TEX38: variants seen among roughly 807,000 people sequenced by gnomAD.
TEX38 encodes the protein testis-expressed protein 38.
A neutral mutation model predicts 2.7 loss-of-function variants in TEX38; 5 were observed. That is an observed-to-expected ratio of 1.86 (90% CI 0.97 to 3.90). TEX38 has a LOEUF of 3.90. Ranked by LOEUF, TEX38 falls within the 30% of genes most tolerant of loss-of-function variation. The probability of loss-of-function intolerance (pLI) is 0.00; values close to 1 mark genes in which losing one functional copy is unlikely to be tolerated. For missense variants in TEX38, 218 were observed against 247.9 expected (o/e 0.88, Z 0.81); for synonymous variants, 110 against 103.3 (o/e 1.06, Z -0.39).
upstream of TEX38, among the ~76,000 whole-genome samples, chr1:46,670,910 G>T (rs1026288891): frequency 2.0e-5 from 3 of 152,160 alleles, no homozygotes; most frequent in African/African-American, 7.2e-5. Context: ...GCCCATAAAT[G>T]CATCAAGCTG....
upstream of TEX38, chr1:46,671,837 A>G: frequency 8.0e-7 from 1 of 1,247,126 alleles, no homozygotes. Flanking sequence ...CATTCTGGAG[A>G]CTCTGATTGG....
At chr1:46,670,295 AGAAT>A (rs1320703333), upstream of TEX38, among the ~76,000 whole-genome samples, 1 of 152,212 alleles carries the variant, frequency 6.6e-6, no homozygotes, top group African/African-American at 2.4e-5. Flanking sequence ...TGGGTGTGAT[AGAAT>A]GAAAGGAGTC....
upstream of TEX38, chr1:46,671,725 C>A: frequency 1.7e-6 from 1 of 578,342 alleles, no homozygotes; most frequent in Non-Finnish European, 3.1e-6. Flanking sequence ...TGGATGAAGT[C>A]CCCTCCTTCC....
chr1:46,673,525 A>G lies in TEX38; in HGVS notation c.*69A>G. On this transcript the variant is annotated 3_prime_UTR_variant, in exon 2 of 2. Coordinates refer to ENST00000334122, the MANE Select transcript of TEX38 (RefSeq NM_001145474.4). ...GTAGGAAATGGAACTAACCTCAGGA[A>G]GGTGGTATTGACAGAGGTCAGGACC... The G allele has an allele frequency of 5.8e-6, 8 of 1,373,878 alleles. No homozygotes were observed. The highest frequency in any genetic ancestry group is 5.9e-6 in the Non-Finnish European group (6 of 1,023,622). The allele number at this position is 1,373,878 out of a possible 1,614,324, so 85.1% of individuals were successfully genotyped here.
rs750909784 is a variant in TEX38, at chr1:46,672,891, T to C, written c.56T>C (p.Phe19Ser). Reference protein sequence around the residue: ...RFPGMWVSLYFGILGLCSVIT... With the variant: ...RFPGMWVSLYSGILGLCSVIT... ...GCCTTAGTGTGGGTCTCATTGTACT[T>C]TGGAATCCTGGGGCTGTGTTCTGTG... Residue 19 changes from phenylalanine to serine, a missense_variant, in exon 2 of 2, where the codon TTT (phenylalanine) becomes TCT (serine). Phe to Ser is a radical substitution (Grantham distance 155, BLOSUM62 -2). Coordinates refer to ENST00000334122, the MANE Select transcript of TEX38 (RefSeq NM_001145474.4). 2.6e-6 allele frequency: 4 copies of C among 1,551,282 alleles called. No individual in the cohort carries two copies. The highest frequency in any genetic ancestry group is 2.6e-6 in the Non-Finnish European group (3 of 1,146,744).
rs563308319 is a variant in TEX38 at position 46,673,022 on chromosome 1, A to T, written c.187A>T (p.Ser63Cys). Residue 63 changes from serine (S) to cysteine (C), a missense_variant, in exon 2 of 2, where the codon AGC (serine) becomes TGC (cysteine). Transcript: ENST00000334122. ...GATGAGAGCTGCCACATTCACCTAC[A>T]GCCCATTGTTGTACTGGATTAACAA... ...EVMRAATFTY[S>C]PLLYWINKRR... is the part of the protein sequence containing the mutation. The T allele has an allele frequency of 8.4e-5, 131 of 1,551,704 alleles. No homozygotes were observed. In the South Asian group the frequency reaches 1.3e-3, roughly 16 times the overall value.
rs190616662 is a variant in TEX38 at position 46,672,141 on chromosome 1, C to T, written c.37+170C>T. Among the ~76,000 whole-genome samples the T allele has an allele frequency of 1.5e-3, 226 of 152,266 alleles. 1 individual carries two copies. Among genetic ancestry groups the T allele is most frequent in the African/African-American group, 5.3e-3 (222 of 41,550 alleles). ...ACTAAGAATTATTTTAAGGCAAAGACCATGCTCTGATCAACCAGAGAAGAT... is the reference window on the plus strand; with the variant it reads ...ACTAAGAATTATTTTAAGGCAAAGATCATGCTCTGATCAACCAGAGAAGAT... On this transcript the variant is annotated intron_variant, in intron 1 of 1. Transcript: ENST00000334122.
chr1:46,670,710 T>A (rs1676570310), upstream of TEX38, among the ~76,000 whole-genome samples: 1 of 152,084 alleles, frequency 6.6e-6, no homozygotes, highest in African/African-American at 2.4e-5. Context: ...GCCAGTGATA[T>A]ACGAGGAGAA....
Position 46,673,267 on chromosome 1 carries a change from A to G in TEX38, c.432A>G (p.Pro144=), listed in dbSNP as rs1204445844. The G allele has an allele frequency of 6.4e-7, 1 of 1,551,590 alleles. No homozygotes were observed. Among genetic ancestry groups the G allele is most frequent in the Non-Finnish European group, 8.7e-7 (1 of 1,146,956 alleles). Residue 144 remains proline, a synonymous_variant, in exon 2 of 2, where the codon CCA becomes CCG. Transcript: ENST00000334122. ...LAPQQPQARS[P]FPLPIFQEVP... is the part of the protein sequence containing the mutation. ...CACAGCAGCCCCAGGCCAGATCCCC[A>G]TTCCCACTTCCCATCTTTCAGGAGG...
chr1:46,671,807 T>C (rs1676586740), upstream of TEX38: 8 of 951,370 alleles, frequency 8.4e-6, no homozygotes, highest in Non-Finnish European at 1.3e-5. Flanking sequence ...ACCTCTCCTT[T>C]AGAGAACAAA....
chr1:46,672,335 C>T (rs1676598518), intron 1 of TEX38, among the ~76,000 whole-genome samples: 1 of 151,812 alleles, frequency 6.6e-6, no homozygotes, highest in African/African-American at 2.4e-5. Flanking sequence ...ACCTCCACCT[C>T]CTGGATTCAA....
upstream of TEX38, chr1:46,671,709 T>C (rs1676584521): frequency 1.8e-6 from 1 of 552,432 alleles, no homozygotes; most frequent in Non-Finnish European, 3.3e-6. Context: ...ACCCAAAAAA[T>C]GCCACTGGAT....
chr1:46,672,320 C>T (rs1258298070), intron 1 of TEX38, among the ~76,000 whole-genome samples: 2 of 151,628 alleles, frequency 1.3e-5, no homozygotes, highest in Admixed American at 6.6e-5. Flanking sequence ...TCTAGGCTCA[C>T]TGTAACCTCC....
chr1:46,671,269 A>G (rs1676577842), upstream of TEX38, among the ~76,000 whole-genome samples: 1 of 152,078 alleles, frequency 6.6e-6, no homozygotes, highest in Non-Finnish European at 1.5e-5. Context: ...GGCAAAAGGG[A>G]AAAGTGTGTG....
chr1:46,672,794 A>C, intron 1 of TEX38, 79 bp from the exon 2 acceptor site: 1 of 1,305,926 alleles, frequency 7.7e-7, no homozygotes. Flanking sequence ...GGGTTAAGTG[A>C]AAGAGGAATG....
upstream of TEX38, among the ~76,000 whole-genome samples, chr1:46,670,636 A>T (rs549633242): frequency 5.3e-5 from 8 of 152,312 alleles, no homozygotes; most frequent in Admixed American, 1.3e-4. Flanking sequence ...TGAGCCCTAG[A>T]CATGCCTACA....
chr1:46,673,104 C>T lies in TEX38; in HGVS notation c.269C>T (p.Thr90Ile). The change falls in exon 2 of 2, where the codon ACC (threonine) becomes ATC (isoleucine). Residue 90 changes from threonine (T) to isoleucine (I), a missense_variant. By Grantham distance (89) the Thr-to-Ile change is moderately conservative (BLOSUM62 -1). Coordinates refer to ENST00000334122, the MANE Select transcript of TEX38 (RefSeq NM_001145474.4). ...AACACGGGCCCTGCCCCTGCTGTCA[C>T]CAAGACTGAGACTGAGGTCCAGAAT... Reference protein sequence around the residue: ...AINTGPAPAVTKTETEVQNPD... With the variant: ...AINTGPAPAVIKTETEVQNPD... 1.5e-5 allele frequency: 23 copies of T among 1,551,778 alleles called. No individual in the cohort carries two copies. Among genetic ancestry groups the T allele is most frequent in the Non-Finnish European group, 2.0e-5 (23 of 1,147,000 alleles).
upstream of TEX38, chr1:46,669,477 A>G (rs1312615288): frequency 2.2e-6 from 1 of 456,066 alleles, no homozygotes; most frequent in Admixed American, 2.3e-5. Context: ...CTCAGTTCAC[A>G]TGTAAGCACC....
intron 1 of TEX38, 73 bp from the exon 2 acceptor site, chr1:46,672,800 G>C (rs1276632940): frequency 1.5e-5 from 20 of 1,340,986 alleles, no homozygotes; most frequent in Non-Finnish European, 1.9e-5. Context: ...AGTGAAAGAG[G>C]AATGAGAAAC....
Sources: allele counts gnomAD v4.1 joint callset (sites outside exome capture counted in the v4.1 genomes callset), GRCh38; gene constraint gnomAD v4.1.1; transcripts MANE v1.5; gene names NCBI Gene and HGNC (gene_info 2026-07-23, HGNC 2026-07-21).